SDK1: variants seen among roughly 807,000 people sequenced by gnomAD.
The protein encoded by SDK1 is protein sidekick-1.
SDK1 carries 157 observed loss-of-function variants against 245.5 expected under a neutral mutation model. The ratio of observed to expected loss-of-function variants is 0.64; its 90% confidence interval spans 0.56 to 0.73. SDK1 has a LOEUF of 0.73. SDK1 is among the 30% of genes least tolerant of loss of function. The pLI, the probability that SDK1 is intolerant of heterozygous loss-of-function variation, is 0.00. For missense variants in SDK1, 3,583 were observed against 3,002.3 expected, an observed-to-expected ratio of 1.19 and a Z score of -4.52; for synonymous variants, 1,647 against 1,278.5, an observed-to-expected ratio of 1.29 and a Z score of -6.15.
At chr7:3,365,751 G>T (rs1781071069) in intron 1 of SDK1, among the ~76,000 whole-genome samples, 1 of 152,016 alleles carries the variant, frequency 6.6e-6, no homozygotes, top group African/African-American at 2.4e-5. Flanking sequence ...CTTTTTTCCA[G>T]GCTGGGCGTG....
intron 30 of SDK1, among the ~76,000 whole-genome samples, chr7:4,155,494 G>A (rs1184046645): frequency 6.6e-6 from 1 of 152,248 alleles, no homozygotes; most frequent in African/African-American, 2.4e-5. Context: ...AGCTTGCAGT[G>A]TGGCTCCAAA....
At chr7:3,393,910 A>C (rs945069632) in intron 1 of SDK1, among the ~76,000 whole-genome samples, 7 of 152,120 alleles carry the variant, frequency 4.6e-5, no homozygotes, top group Non-Finnish European at 7.4e-5. Flanking sequence ...GATGTTTGTC[A>C]GTATCTGAGC....
intron 5 of SDK1, among the ~76,000 whole-genome samples, chr7:3,922,084 C>T (rs1019866276): frequency 2.0e-5 from 3 of 152,214 alleles, no homozygotes; most frequent in Non-Finnish European, 4.4e-5. Flanking sequence ...TCTTTACCAG[C>T]CTGGTTTGCT....
intron 4 of SDK1, among the ~76,000 whole-genome samples, chr7:3,680,013 T>TA (rs35259761): frequency 0.82 from 125,403 of 152,054 alleles, 51,866 homozygotes; most frequent in Non-Finnish European, 0.86. Context: ...TTGAGATTAG[T>TA]AAAAAAATCA....
intron 2 of SDK1, among the ~76,000 whole-genome samples, chr7:3,624,031 A>G (rs1432038303): frequency 6.6e-6 from 1 of 152,210 alleles, no homozygotes; most frequent in Non-Finnish European, 1.5e-5. Flanking sequence ...ATACCTGGGA[A>G]TAAGTTTTAT....
rs1289470218 is a variant in SDK1 at position 4,139,783 on chromosome 7, AG to A, written c.4229-5937del. ...TATAATCTTGAAAAGCTGAAGCCCC[AG>A]GAGCGCTATGGGACTGAGGGGCTGA... is the stretch of plus-strand genomic sequence containing the variant. On this transcript the variant is annotated intron_variant, in intron 28 of 44. Coordinates refer to ENST00000404826, the MANE Select transcript of SDK1 (RefSeq NM_152744.4). Among the ~76,000 whole-genome samples the A allele has an allele frequency of 8.6e-5, 13 of 151,946 alleles. No individual in the cohort carries two copies. In the South Asian group the frequency reaches 2.5e-3, roughly 29 times the overall value.
intron 1 of SDK1, among the ~76,000 whole-genome samples, chr7:3,446,871 C>G (rs1780357639): frequency 6.6e-6 from 1 of 152,092 alleles, no homozygotes; most frequent in African/African-American, 2.4e-5. Context: ...TTATTCTCTT[C>G]ACAGTCTTTT....
rs778872947 is a variant in SDK1 at position 4,245,709 on chromosome 7, C to G, written c.6285C>G (p.His2095Gln). Residue 2095 changes from histidine (H) to glutamine (Q), a missense_variant, in exon 44 of 45, where the codon CAC (histidine) becomes CAG (glutamine). His to Gln is a conservative substitution (Grantham distance 24). Coordinates refer to ENST00000404826, the MANE Select transcript of SDK1 (RefSeq NM_152744.4). Reference sequence around the variant, plus strand: ...CCCGGCCTAGCCCCGGCGGCCTGCACTACTCAGACGAGGACATCTGCAACA... The same window carrying G: ...CCCGGCCTAGCCCCGGCGGCCTGCAGTACTCAGACGAGGACATCTGCAACA... ...SPPRPSPGGL[H>Q]YSDEDICNKY... 2 of 1,614,104 alleles carry G rather than the reference C, an allele frequency of 1.2e-6. No homozygotes were observed. The highest frequency in any genetic ancestry group is 1.7e-6 in the Non-Finnish European group (2 of 1,180,010).
intron 1 of SDK1, among the ~76,000 whole-genome samples, chr7:3,451,681 G>A (rs976668951): frequency 6.6e-6 from 1 of 152,190 alleles, no homozygotes; most frequent in Non-Finnish European, 1.5e-5. Context: ...GCCAATATTT[G>A]ATTAACAATA....
intron 4 of SDK1, among the ~76,000 whole-genome samples, chr7:3,776,245 G>T (rs1780557484): frequency 6.6e-6 from 1 of 152,212 alleles, no homozygotes; most frequent in African/African-American, 2.4e-5. Flanking sequence ...AGCAGACATT[G>T]TCAATTTGGT....
chr7:3,497,920 G>C (rs553680964), intron 1 of SDK1, among the ~76,000 whole-genome samples: 1 of 152,160 alleles, frequency 6.6e-6, no homozygotes, highest in South Asian at 2.1e-4. Flanking sequence ...GGAGTTTCTG[G>C]ATGTGATACT....
chr7:4,048,798 C>A (rs1789219317), intron 17 of SDK1, among the ~76,000 whole-genome samples: 1 of 152,190 alleles, frequency 6.6e-6, no homozygotes, highest in Non-Finnish European at 1.5e-5. Flanking sequence ...AATAGCTGTT[C>A]TGTAAAAGAG....
At chr7:3,371,902 A>G (rs17812938) in intron 1 of SDK1, among the ~76,000 whole-genome samples, 2,022 of 152,316 alleles carry the variant, frequency 0.013, 17 homozygotes, top group Non-Finnish European at 0.02. Context: ...ATCTATCCTC[A>G]CAATTTGAAT....
intron 21 of SDK1, among the ~76,000 whole-genome samples, chr7:4,077,936 C>A (rs983352057): frequency 6.6e-6 from 1 of 152,128 alleles, no homozygotes; most frequent in African/African-American, 2.4e-5. Flanking sequence ...ATATAGCGAC[C>A]AAGGTTAACA....
At chr7:3,575,861 A>T (rs1374117591) in intron 1 of SDK1, among the ~76,000 whole-genome samples, 1 of 151,946 alleles carries the variant, frequency 6.6e-6, no homozygotes, top group African/African-American at 2.4e-5. Flanking sequence ...TTTATTTTTT[A>T]TTAAAGGTGC....
intron 1 of SDK1, among the ~76,000 whole-genome samples, chr7:3,578,846 T>C (rs142379577): frequency 1.3e-5 from 2 of 151,918 alleles, no homozygotes; most frequent in Admixed American, 1.3e-4. Context: ...GATTTCATAT[T>C]GTTCAAACAC....
At chr7:3,673,933 A>C (rs1783804476) in intron 4 of SDK1, among the ~76,000 whole-genome samples, 1 of 152,222 alleles carries the variant, frequency 6.6e-6, no homozygotes, top group South Asian at 2.1e-4. Flanking sequence ...ATTTTATTAA[A>C]AATAAATAGA....
intron 1 of SDK1, among the ~76,000 whole-genome samples, chr7:3,456,487 A>G (rs375289728): frequency 1.3e-4 from 20 of 152,266 alleles, no homozygotes; most frequent in East Asian, 1.2e-3. Context: ...TGTTATCTGC[A>G]TTCTCTTATT....
At chr7:4,098,003 G>A (rs551746445) in intron 22 of SDK1, among the ~76,000 whole-genome samples, 1 of 152,150 alleles carries the variant, frequency 6.6e-6, no homozygotes, top group Non-Finnish European at 1.5e-5. Flanking sequence ...GTGCTGGGGA[G>A]ACAGGTGACA....
Sources: allele counts gnomAD v4.1 joint callset (sites outside exome capture counted in the v4.1 genomes callset), GRCh38; gene constraint gnomAD v4.1.1; transcripts MANE v1.5; gene names NCBI Gene and HGNC (gene_info 2026-07-23, HGNC 2026-07-21).